The following DIO2 variants were observed in gnomAD, a reference collection of about 807,000 sequenced individuals.
DIO2 encodes type II iodothyronine deiodinase.
Under a neutral mutation model 21.4 loss-of-function variants are expected in DIO2, and 19 were observed. That is an observed-to-expected ratio of 0.89 (90% CI 0.62 to 1.30). The LOEUF (loss-of-function observed/expected upper bound fraction) is 1.30, where lower values mean the gene tolerates loss of function less well. Ranked by LOEUF, DIO2 falls within the 50% of genes most tolerant of loss-of-function variation. The pLI, the probability that DIO2 is intolerant of heterozygous loss-of-function variation, is 0.00. For synonymous variants in DIO2, 122 were observed against 132.9 expected (o/e 0.92, Z 0.57); for missense variants, 302 against 338.1 (o/e 0.89, Z 0.84).
chr14:80,227,257 G>A (rs961373203), intron 2 of DIO2, among the ~76,000 whole-genome samples: 1 of 152,210 alleles, frequency 6.6e-6, no homozygotes, highest in African/African-American at 2.4e-5. Context: ...GATGCCATTG[G>A]TGTAGGCTGG....
chr14:80,223,851 C>T (rs1237658560), intron 2 of DIO2, among the ~76,000 whole-genome samples: 2 of 152,170 alleles, frequency 1.3e-5, no homozygotes, highest in South Asian at 2.1e-4. Context: ...AGATGAAACA[C>T]ATTCTTTAGA....
Position 80,203,255 on chromosome 14 carries a change from C to T in DIO2, c.256G>A (p.Val86Met). 1.6e-5 allele frequency: 26 copies of T among 1,597,452 alleles called. No homozygotes were observed. The highest frequency in any genetic ancestry group is 2.0e-5 in the Non-Finnish European group (23 of 1,172,618). The change falls in exon 2 of 2, where the codon GTG becomes ATG. Residue 86 changes from valine to methionine, a missense_variant. Physicochemically the swap from Val to Met is conservative, Grantham distance 21 (BLOSUM62 1). Coordinates refer to ENST00000438257, the MANE Select transcript of DIO2 (RefSeq NM_013989.5). ...CCTTCTGTACTGGAGACATGCACCA[C>T]ACTGGAATTGGGGGCATCCTCACCC... ...KLGEDAPNSS[V>M]VHVSSTEGGD...
chr14:80,222,594 T>C (rs1387584725), intron 2 of DIO2, among the ~76,000 whole-genome samples: 1 of 152,244 alleles, frequency 6.6e-6, no homozygotes, highest in Non-Finnish European at 1.5e-5. Context: ...ATTTCCTATA[T>C]TCTTGAATGT....
At chr14:80,226,731 G>A (rs1021765978) in intron 2 of DIO2, among the ~76,000 whole-genome samples, 15 of 152,146 alleles carry the variant, frequency 9.9e-5, no homozygotes, top group African/African-American at 3.6e-4. Context: ...TTTGTTCATG[G>A]GCCCATTGGG....
At chr14:80,226,568 C>T (rs544512733) in intron 2 of DIO2, among the ~76,000 whole-genome samples, 1 of 152,180 alleles carries the variant, frequency 6.6e-6, no homozygotes, top group African/African-American at 2.4e-5. Flanking sequence ...GGCTGATCAC[C>T]CCAAGGAATG....
At chr14:80,229,851 C>T (rs556461404) in intron 2 of DIO2, among the ~76,000 whole-genome samples, 1 of 152,246 alleles carries the variant, frequency 6.6e-6, no homozygotes, top group Admixed American at 6.5e-5. Context: ...CATGCCTGTT[C>T]TCCAGATTGC....
At chr14:80,204,791 G>A (rs1416013750) in intron 1 of DIO2, among the ~76,000 whole-genome samples, 1 of 152,096 alleles carries the variant, frequency 6.6e-6, no homozygotes, top group Admixed American at 6.6e-5. Context: ...TTATTCAGAA[G>A]CTTCTATCTA....
intron 2 of DIO2, among the ~76,000 whole-genome samples, chr14:80,225,137 C>G (rs187681519): frequency 1.2e-3 from 180 of 152,250 alleles, no homozygotes; most frequent in African/African-American, 3.9e-3. Flanking sequence ...TTCCCCAGCC[C>G]ACTGACTCAA....
At chr14:80,204,522 A>C (rs1406045302) in intron 1 of DIO2, among the ~76,000 whole-genome samples, 1 of 152,216 alleles carries the variant, frequency 6.6e-6, no homozygotes, top group African/African-American at 2.4e-5. Flanking sequence ...TAAAAGAGCC[A>C]ATTACTTCAG....
chr14:80,221,049 A>G (rs1888454308), intron 2 of DIO2, among the ~76,000 whole-genome samples: 1 of 152,238 alleles, frequency 6.6e-6, no homozygotes, highest in Non-Finnish European at 1.5e-5. Context: ...AAAATTTCAA[A>G]CATATGCAAA....
intron 2 of DIO2, among the ~76,000 whole-genome samples, chr14:80,229,941 C>T (rs929398585): frequency 6.6e-6 from 1 of 152,108 alleles, no homozygotes; most frequent in Non-Finnish European, 1.5e-5. Flanking sequence ...TCAACCTCAC[C>T]TCTAGGGGCC....
rs775597093 is a variant in DIO2 at position 80,202,313 on chromosome 14, G to A, written c.*376C>T. On this transcript the variant is annotated 3_prime_UTR_variant, in exon 2 of 2. Transcript: ENST00000438257. ...CCAAGGCAATACCCTTTATCTTAAC[G>A]TAGACAGTAGCTTCCCTAATGTAGT... 1.1e-5 allele frequency: 6 copies of A among 528,940 alleles called. No homozygotes were observed. The highest frequency in any genetic ancestry group is 1.9e-5 in the Non-Finnish European group (5 of 267,082). 32.8% of individuals were successfully genotyped at this position (528,940 alleles called of 1,614,324 possible).
intron 1 of DIO2, 86 bp from the exon 2 acceptor site, chr14:80,203,374 T>C (rs1887824773): frequency 1.4e-6 from 2 of 1,406,988 alleles, no homozygotes; most frequent in African/African-American, 1.5e-5. Context: ...TCACATTAAA[T>C]AGTTACAATT....
intron 2 of DIO2, among the ~76,000 whole-genome samples, chr14:80,220,683 C>T (rs956929574): frequency 1.3e-5 from 2 of 152,148 alleles, no homozygotes; most frequent in African/African-American, 2.4e-5. Context: ...CTAAAAATGA[C>T]TTTAATCTAC....
intron 2 of DIO2, among the ~76,000 whole-genome samples, chr14:80,228,098 CATA>C (rs1345403119): frequency 6.6e-6 from 1 of 152,234 alleles, no homozygotes; most frequent in Non-Finnish European, 1.5e-5. Flanking sequence ...ATCCAATCAG[CATA>C]ATGTCATCAG....
chr14:80,225,297 T>A (rs962202149), intron 2 of DIO2, among the ~76,000 whole-genome samples: 1 of 152,160 alleles, frequency 6.6e-6, no homozygotes, highest in African/African-American at 2.4e-5. Context: ...AGATCACACA[T>A]AGTCTTCAAA....
rs116574888 is a variant in DIO2, at chr14:80,227,760, G to A, written c.-277-11023C>T. Among the ~76,000 whole-genome samples the A allele has an allele frequency of 3.9e-3, 600 of 152,262 alleles. 6 individuals carry two copies. The highest frequency in any genetic ancestry group is 0.014 in the African/African-American group (572 of 41,556). ...CTGGACCTTTTGCAGAACCTTCTCC[G>A]GTTCTGGATTCCACTCAAAAATGGC... On this transcript the variant is annotated intron_variant, in intron 2 of 4. Coordinates refer to the DIO2 transcript ENST00000553594.
At chr14:80,221,149 C>T (rs1403882311) in intron 2 of DIO2, among the ~76,000 whole-genome samples, 3 of 152,142 alleles carry the variant, frequency 2.0e-5, no homozygotes, top group South Asian at 4.1e-4. Flanking sequence ...TTCTTGCTTC[C>T]TATGTAATTT....
At chr14:80,210,536 G>A (rs1333449686) in intron 1 of DIO2, among the ~76,000 whole-genome samples, 1 of 152,184 alleles carries the variant, frequency 6.6e-6, no homozygotes, top group African/African-American at 2.4e-5. Flanking sequence ...GAGAAACAAA[G>A]TAAAGGAGGC....
Sources: gnomAD v4.1 joint callset for allele counts (sites outside exome capture counted in the v4.1 genomes callset) on GRCh38, gnomAD v4.1.1 for gene constraint, MANE v1.5 for transcripts, NCBI Gene and HGNC (gene_info 2026-07-23, HGNC 2026-07-21) for gene names.